ADAMTS3: variants seen among roughly 807,000 people sequenced by gnomAD.
The protein encoded by ADAMTS3 is ADAM metallopeptidase with thrombospondin type 1 motif 3, also known as A disintegrin and metalloproteinase with thrombospondin motifs 3.
A neutral mutation model predicts 129.0 loss-of-function variants in ADAMTS3; 73 were observed. The observed-to-expected ratio is 0.57, with a 90% confidence interval of 0.47 to 0.69. The LOEUF is 0.69. Among genes scored for constraint, ADAMTS3 ranks in the 30% least tolerant of loss-of-function variants. The probability of loss-of-function intolerance (pLI) is 0.00; values close to 1 mark genes in which losing one functional copy is unlikely to be tolerated. For synonymous variants in ADAMTS3, 477 were observed against 510.8 expected, an observed-to-expected ratio of 0.93 and a Z score of 0.89; for missense variants, 1,457 against 1,514.5, an observed-to-expected ratio of 0.96 and a Z score of 0.63.
At chr4:72,443,327 C>T (rs1421564627) in intron 3 of ADAMTS3, among the ~76,000 whole-genome samples, 1 of 151,648 alleles carries the variant, frequency 6.6e-6, no homozygotes, top group Non-Finnish European at 1.5e-5. Flanking sequence ...TTAAAAAATA[C>T]ATATTGAGAG....
intron 3 of ADAMTS3, among the ~76,000 whole-genome samples, chr4:72,509,507 G>A (rs953880073): frequency 6.6e-6 from 1 of 151,708 alleles, no homozygotes; most frequent in Non-Finnish European, 1.5e-5. Flanking sequence ...CAATAAATTG[G>A]AAAAACTAGA....
intron 3 of ADAMTS3, among the ~76,000 whole-genome samples, chr4:72,489,011 A>G (rs1259308808): frequency 1.3e-5 from 2 of 152,054 alleles, no homozygotes; most frequent in African/African-American, 2.4e-5. Flanking sequence ...TATTCCACAT[A>G]TAAGTGAGAT....
intron 4 of ADAMTS3, among the ~76,000 whole-genome samples, chr4:72,381,608 T>C (rs1194899786): frequency 6.6e-6 from 1 of 152,140 alleles, no homozygotes; most frequent in Non-Finnish European, 1.5e-5. Context: ...TAACTGCAGA[T>C]GAAGATTCTA....
intron 3 of ADAMTS3, among the ~76,000 whole-genome samples, chr4:72,503,736 A>C (rs1309797901): frequency 6.6e-6 from 1 of 152,160 alleles, no homozygotes; most frequent in East Asian, 1.9e-4. Context: ...GACTGTCTAC[A>C]TTTCCTAACA....
chr4:72,535,752 C>CA (rs1391817887), intron 3 of ADAMTS3, among the ~76,000 whole-genome samples: 4 of 151,220 alleles, frequency 2.6e-5, no homozygotes, highest in East Asian at 3.9e-4. Flanking sequence ...CCAGAAACCA[C>CA]AAAAAAAGAT....
chr4:72,496,001 TA>T (rs2110019020), intron 3 of ADAMTS3, among the ~76,000 whole-genome samples: 1 of 152,328 alleles, frequency 6.6e-6, no homozygotes, highest in South Asian at 2.1e-4. Flanking sequence ...TATAAAGTGT[TA>T]GATATCAAAA....
intron 4 of ADAMTS3, among the ~76,000 whole-genome samples, chr4:72,365,857 A>C (rs1477050074): frequency 6.6e-6 from 1 of 152,254 alleles, no homozygotes; most frequent in Non-Finnish European, 1.5e-5. Flanking sequence ...CAATGAAAAC[A>C]TAATAAAATT....
At chr4:72,423,252 A>G (rs1722489895) in intron 3 of ADAMTS3, among the ~76,000 whole-genome samples, 1 of 152,186 alleles carries the variant, frequency 6.6e-6, no homozygotes, top group Non-Finnish European at 1.5e-5. Flanking sequence ...ACAACCTTAT[A>G]CTAGTTCATA....
chr4:72,539,243 C>A (rs1273710405), intron 3 of ADAMTS3, among the ~76,000 whole-genome samples: 1 of 151,838 alleles, frequency 6.6e-6, no homozygotes, highest in Non-Finnish European at 1.5e-5. Context: ...TGGAAGAGAA[C>A]ACTTGCAAAC....
intron 3 of ADAMTS3, among the ~76,000 whole-genome samples, chr4:72,434,732 G>A (rs540157727): frequency 1.1e-3 from 172 of 151,954 alleles, no homozygotes; most frequent in Non-Finnish European, 2.1e-3. Flanking sequence ...TTGATTACTT[G>A]AAAGGGAGAG....
At chr4:72,375,280 G>T (rs1484990656) in intron 4 of ADAMTS3, among the ~76,000 whole-genome samples, 1 of 152,120 alleles carries the variant, frequency 6.6e-6, no homozygotes, top group East Asian at 1.9e-4. Flanking sequence ...TTACCACAAG[G>T]AATTGCCCCC....
Position 72,313,691 on chromosome 4 carries a change from C to G in ADAMTS3, c.1731G>C (p.Gln577His), listed in dbSNP as rs778451995. The change falls in exon 12 of 22, where the codon CAG becomes CAC. Residue 577 changes from glutamine (Q) to histidine (H), a missense_variant. Gln to His is a conservative substitution (Grantham distance 24). Transcript: ENST00000286657. ...GATATACTCACATGGGATTATTGCA[C>G]TGGCGTGTTCTGAAACGAACACCAG... ...CGTGVRFRTRQCNNPMPINGG... is the reference protein window; with the variant it reads ...CGTGVRFRTRHCNNPMPINGG... 1 of 1,613,576 alleles carries G rather than the reference C, an allele frequency of 6.2e-7. No homozygotes were observed.
At position 72,550,057 on chromosome 4, in the gene ADAMTS3, GGA is replaced by G. The variant is rs1560564212; in HGVS notation, c.98-1175_98-1174del. On this transcript the variant is annotated intron_variant, in intron 2 of 21. Transcript: ENST00000286657. The stretch of plus-strand genomic sequence containing the variant: ...AAGAAGAAGAAGAGGAAGAGGAAGA[GGA>G]AGAGGAAGAGGAAGAGGAAGAGGAA... Among the ~76,000 whole-genome samples, 6 of 4,192 alleles carry G rather than the reference GGA, an allele frequency of 1.4e-3. 2 individuals carry two copies. Among genetic ancestry groups the G allele is most frequent in the East Asian group, 0.016 (2 of 122 alleles). 2.8% of individuals were successfully genotyped at this position (4,192 alleles called of 152,430 possible).
At chr4:72,460,046 T>C (rs1253988956) in intron 3 of ADAMTS3, among the ~76,000 whole-genome samples, 1 of 151,568 alleles carries the variant, frequency 6.6e-6, no homozygotes, top group Non-Finnish European at 1.5e-5. Flanking sequence ...TATCAGATTT[T>C]GGATTTTTAA....
intron 3 of ADAMTS3, among the ~76,000 whole-genome samples, chr4:72,473,402 A>G (rs573327461): frequency 3.4e-4 from 51 of 152,238 alleles, no homozygotes; most frequent in African/African-American, 1.1e-3. Flanking sequence ...AAAAACAGGC[A>G]AGGAAACAAA....
intron 3 of ADAMTS3, among the ~76,000 whole-genome samples, chr4:72,513,747 G>A: frequency 6.6e-6 from 1 of 151,674 alleles, no homozygotes; most frequent in Non-Finnish European, 1.5e-5. Flanking sequence ...TAAATATATT[G>A]CATAATGGTA....
intron 3 of ADAMTS3, among the ~76,000 whole-genome samples, chr4:72,438,549 C>T (rs184849712): frequency 1.3e-5 from 2 of 151,810 alleles, no homozygotes; most frequent in African/African-American, 4.8e-5. Flanking sequence ...TAATAGAAGA[C>T]AGTTGGGTTC....
intron 5 of ADAMTS3, among the ~76,000 whole-genome samples, chr4:72,333,530 G>C (rs2109824757): frequency 1.3e-5 from 2 of 152,216 alleles, no homozygotes; most frequent in South Asian, 4.1e-4. Context: ...AGTAGGGTCT[G>C]TCTTCATTGT....
At position 72,557,734 on chromosome 4, in the gene ADAMTS3, T is replaced by C. The variant is rs569736474; in HGVS notation, c.98-8850A>G. 5.9e-5 allele frequency among the ~76,000 whole-genome samples: 9 copies of C among 151,876 alleles called. No homozygotes were observed. In the South Asian group the frequency reaches 1.7e-3, roughly 28 times the overall value. ...ACACATTCTTTACTGTACTAGAACA[T>C]GAAATCAGGTAAGAGAAGATATTTC... is the stretch of plus-strand genomic sequence containing the variant. On this transcript the variant is annotated intron_variant, in intron 2 of 21. Coordinates refer to ENST00000286657, the MANE Select transcript of ADAMTS3 (RefSeq NM_014243.3).
Sources: allele counts gnomAD v4.1 joint callset (sites outside exome capture counted in the v4.1 genomes callset), GRCh38; gene constraint gnomAD v4.1.1; transcripts MANE v1.5; gene names NCBI Gene and HGNC (gene_info 2026-07-23, HGNC 2026-07-21).